The following HECW1 variants were observed in gnomAD, a reference collection of about 807,000 sequenced individuals.
HECW1 encodes HECT, C2 and WW domain containing E3 ubiquitin protein ligase 1, also known as E3 ubiquitin-protein ligase HECW1.
Under a neutral mutation model 182.3 loss-of-function variants are expected in HECW1, and 61 were observed. The observed-to-expected ratio is 0.33, with a 90% confidence interval of 0.27 to 0.41. HECW1 has a LOEUF of 0.41. HECW1 is among the 10% of genes least tolerant of loss of function. The pLI is 1.00. For missense variants in HECW1, 1,739 were observed against 2,108.9 expected (o/e 0.82, Z 3.44); for synonymous variants, 859 against 832.6 (o/e 1.03, Z -0.55).
chr7:43,146,482 A>G (rs1788726488), intron 2 of HECW1, among the ~76,000 whole-genome samples: 1 of 152,216 alleles, frequency 6.6e-6, no homozygotes, highest in Non-Finnish European at 1.5e-5. Flanking sequence ...AATATTTTGA[A>G]TTAATAATAA....
At chr7:43,214,122 A>G (rs909351142) in intron 2 of HECW1, among the ~76,000 whole-genome samples, 1 of 151,930 alleles carries the variant, frequency 6.6e-6, no homozygotes, top group African/African-American at 2.4e-5. Context: ...TAATTGAAAT[A>G]CACATATGTA....
chr7:43,380,606 C>A (rs1036255135), intron 6 of HECW1, among the ~76,000 whole-genome samples: 1 of 152,042 alleles, frequency 6.6e-6, no homozygotes, highest in African/African-American at 2.4e-5. Context: ...TGGCTCACTG[C>A]AACCTCCATC....
At chr7:43,275,672 C>T (rs774929821) in intron 3 of HECW1, among the ~76,000 whole-genome samples, 11 of 152,152 alleles carry the variant, frequency 7.2e-5, no homozygotes, top group Non-Finnish European at 1.5e-4. Flanking sequence ...TCTTCCTCCA[C>T]TATTTACTCA....
intron 2 of HECW1, among the ~76,000 whole-genome samples, chr7:43,152,943 C>T (rs1789496989): frequency 6.6e-6 from 1 of 152,202 alleles, no homozygotes; most frequent in Non-Finnish European, 1.5e-5. Context: ...TCTTCTGTGC[C>T]TGGTGCCTCT....
intron 21 of HECW1, among the ~76,000 whole-genome samples, chr7:43,506,034 A>T (rs754053386): frequency 2.0e-4 from 30 of 152,240 alleles, no homozygotes; most frequent in Admixed American, 4.6e-4. Context: ...TTAAATTAAA[A>T]GGTATATATA....
intron 3 of HECW1, among the ~76,000 whole-genome samples, chr7:43,289,679 G>A (rs1228982388): frequency 6.6e-6 from 1 of 152,178 alleles, no homozygotes; most frequent in Non-Finnish European, 1.5e-5. Flanking sequence ...ATTTAAAGAG[G>A]TTTATTCTGA....
At chr7:43,171,913 AG>A (rs1791730872) in intron 2 of HECW1, among the ~76,000 whole-genome samples, 1 of 152,086 alleles carries the variant, frequency 6.6e-6, no homozygotes. Flanking sequence ...AGTTTTGATG[AG>A]CTGAATCTTC....
intron 3 of HECW1, among the ~76,000 whole-genome samples, chr7:43,250,672 C>A (rs192166295): frequency 1.3e-5 from 2 of 152,170 alleles, no homozygotes; most frequent in African/African-American, 4.8e-5. Flanking sequence ...TCTGAACTTG[C>A]GTAAAAAAAT....
At chr7:43,137,528 T>TATTTATTTA (rs1554290469) in intron 2 of HECW1, among the ~76,000 whole-genome samples, 3 of 147,432 alleles carry the variant, frequency 2.0e-5, no homozygotes, top group African/African-American at 5.1e-5. Context: ...TTCTGCCTTC[T>TATTTATTTA]TTTATTTATT....
At chr7:43,163,854 C>T (rs908982685) in intron 2 of HECW1, among the ~76,000 whole-genome samples, 8 of 152,106 alleles carry the variant, frequency 5.3e-5, no homozygotes. Flanking sequence ...GAGGGTATTG[C>T]AGGTGACTCG....
chr7:43,312,757 C>T (rs745748284), intron 4 of HECW1, among the ~76,000 whole-genome samples: 12 of 152,180 alleles, frequency 7.9e-5, no homozygotes, highest in African/African-American at 1.7e-4. Flanking sequence ...ACCATTCCCA[C>T]GGATTGGTTT....
rs147525678 is a variant in HECW1, at chr7:43,350,797, T to G, written c.461-10089T>G. 5.2e-3 allele frequency among the ~76,000 whole-genome samples: 791 copies of G among 152,362 alleles called. 23 individuals carry two copies. Among genetic ancestry groups the G allele is most frequent in the East Asian group, 0.017 (88 of 5,184 alleles). Reference sequence around the variant, plus strand: ...GTATCATTTTTTGGATTTCCTTGCATTGGGCTTCGCCCTTCTGTGGTCCCT... The same window carrying G: ...GTATCATTTTTTGGATTTCCTTGCAGTGGGCTTCGCCCTTCTGTGGTCCCT... On this transcript the variant is annotated intron_variant, in intron 5 of 29. Coordinates refer to ENST00000395891, the MANE Select transcript of HECW1 (RefSeq NM_015052.5).
In HECW1 at chr7:43,243,065, C is replaced by A. The variant is rs1054260630; in HGVS notation, c.-31-810C>A. On this transcript the variant is annotated intron_variant, in intron 2 of 29. Coordinates refer to ENST00000395891, the MANE Select transcript of HECW1 (RefSeq NM_015052.5). This position sits in a 1 kb window ranked among gnomAD's most constrained non-coding sequence, Gnocchi z 4.0. ...CAGGTTTCATCGGGGTTTGGGAATGCTGACATCATAGACTGCTTTTTTCTG... is the reference window on the plus strand; with the variant it reads ...CAGGTTTCATCGGGGTTTGGGAATGATGACATCATAGACTGCTTTTTTCTG... 1.3e-5 allele frequency among the ~76,000 whole-genome samples: 2 copies of A among 152,170 alleles called. No individual in the cohort carries two copies. The highest frequency in any genetic ancestry group is 2.9e-5 in the Non-Finnish European group (2 of 68,034).
chr7:43,500,146 G>C (rs1380113521), intron 19 of HECW1, among the ~76,000 whole-genome samples: 1 of 151,162 alleles, frequency 6.6e-6, no homozygotes, highest in African/African-American at 2.4e-5. Flanking sequence ...TGTCGCCCAG[G>C]CTGGAGTGCA....
chr7:43,242,620 T>C (rs1798991211), intron 2 of HECW1, among the ~76,000 whole-genome samples: 1 of 152,172 alleles, frequency 6.6e-6, no homozygotes. Flanking sequence ...CTCTGACCTA[T>C]CACAGAAATT....
At chr7:43,385,912 C>T (rs193173787) in intron 6 of HECW1, among the ~76,000 whole-genome samples, 3 of 152,310 alleles carry the variant, frequency 2.0e-5, no homozygotes, top group Admixed American at 6.5e-5. Flanking sequence ...AGGTAAAATA[C>T]CTGAAATCAA....
intron 5 of HECW1, among the ~76,000 whole-genome samples, chr7:43,354,636 A>C (rs889104383): frequency 6.6e-6 from 1 of 152,200 alleles, no homozygotes; most frequent in Non-Finnish European, 1.5e-5. Flanking sequence ...AACAATAAAA[A>C]GGAACAAAGA....
chr7:43,424,368 C>G (rs1168808347), intron 8 of HECW1, among the ~76,000 whole-genome samples: 1 of 152,142 alleles, frequency 6.6e-6, no homozygotes, highest in African/African-American at 2.4e-5. Context: ...GCCTCTAATC[C>G]CAACACTTTG....
intron 13 of HECW1, among the ~76,000 whole-genome samples, chr7:43,457,327 G>A (rs957621797): frequency 1.3e-5 from 2 of 152,164 alleles, no homozygotes; most frequent in Admixed American, 1.3e-4. Context: ...TTCATGTCAA[G>A]TATGAAAAGT....
Sources: gnomAD v4.1 joint callset for allele counts (sites outside exome capture counted in the v4.1 genomes callset) on GRCh38, gnomAD v4.1.1 for gene constraint, Gnocchi (gnomAD v3.1) non-coding constraint, MANE v1.5 for transcripts, NCBI Gene and HGNC (gene_info 2026-07-23, HGNC 2026-07-21) for gene names.